The following DCAF10 variants were observed in gnomAD, a reference collection of about 807,000 sequenced individuals.
The protein encoded by DCAF10 is DDB1- and CUL4-associated factor 10.
In DCAF10, 19 loss-of-function variants were observed where a neutral mutation model predicts 51.9. That is an observed-to-expected ratio of 0.37 (90% CI 0.26 to 0.54). DCAF10 has a LOEUF of 0.54. Ranked by LOEUF, DCAF10 falls within the 20% of genes least tolerant of loss-of-function variation. DCAF10 has a pLI of 0.87. For synonymous variants in DCAF10, 291 were observed against 297.1 expected (o/e 0.98, Z 0.21); for missense variants, 510 against 730.6 (o/e 0.70, Z 3.48).
rs910739124 is a variant in DCAF10, at chr9:37,815,411, G to A, written c.540-3877G>A. On this transcript the variant is annotated intron_variant, in intron 1 of 6. Coordinates refer to ENST00000377724, the MANE Select transcript of DCAF10 (RefSeq NM_024345.5). ...TGTAATCCCAGCACTTTGGGAGGCC[G>A]AGGCAGGTGGATCACCTGAGGTCAG... is the stretch of plus-strand genomic sequence containing the variant. Among the ~76,000 whole-genome samples the A allele has an allele frequency of 4.6e-5, 7 of 152,308 alleles. No individual in the cohort carries two copies. In the South Asian group the frequency reaches 1.0e-3, roughly 23 times the overall value.
At chr9:37,826,013 C>T (rs1413036296) in intron 2 of DCAF10, among the ~76,000 whole-genome samples, 5 of 147,340 alleles carry the variant, frequency 3.4e-5, no homozygotes, top group Non-Finnish European at 7.4e-5. Context: ...CCAGCCTGAG[C>T]GACAGAGCGA....
At chr9:37,825,710 C>A (rs1031285770) in intron 2 of DCAF10, among the ~76,000 whole-genome samples, 3 of 152,046 alleles carry the variant, frequency 2.0e-5, no homozygotes, top group African/African-American at 7.2e-5. Context: ...TACACATGTA[C>A]CCCTGAACTT....
intron 2 of DCAF10, among the ~76,000 whole-genome samples, chr9:37,827,226 G>A (rs1339933365): frequency 6.6e-6 from 1 of 152,144 alleles, no homozygotes; most frequent in African/African-American, 2.4e-5. Flanking sequence ...ATGAAAGTTG[G>A]AGGTGGGGAT....
Position 37,842,299 on chromosome 9 carries a change from G to A in DCAF10, c.851+13G>A. ...GGGACACTAACAGGTTTGTGAATAG[G>A]AGACCATGTTAGGATTATGAACAAA... On this transcript the variant is annotated intron_variant, in intron 3 of 6. Coordinates refer to ENST00000377724, the MANE Select transcript of DCAF10 (RefSeq NM_024345.5). 2 of 1,609,326 alleles carry A rather than the reference G, an allele frequency of 1.2e-6. No homozygotes were observed. The highest frequency in any genetic ancestry group is 1.3e-5 in the African/African-American group (1 of 74,862).
At chr9:37,836,766 C>G (rs1830178134) in intron 2 of DCAF10, among the ~76,000 whole-genome samples, 1 of 151,876 alleles carries the variant, frequency 6.6e-6, no homozygotes, top group South Asian at 2.1e-4. Context: ...AGTGTTCACA[C>G]CCTTACTTTT....
chr9:37,848,037 G>T (rs572205175), intron 3 of DCAF10, among the ~76,000 whole-genome samples: 1 of 152,280 alleles, frequency 6.6e-6, no homozygotes, highest in East Asian at 1.9e-4. Context: ...TGGATTCGAA[G>T]ACTCCATATT....
chr9:37,833,290 CTCT>C (rs1226329195), intron 2 of DCAF10, among the ~76,000 whole-genome samples: 1 of 152,200 alleles, frequency 6.6e-6, no homozygotes, highest in East Asian at 1.9e-4. Context: ...TATGCAGATG[CTCT>C]TCAACTTCTG....
chr9:37,821,994 T>C (rs1175554875), intron 2 of DCAF10, among the ~76,000 whole-genome samples: 1 of 152,020 alleles, frequency 6.6e-6, no homozygotes, highest in Non-Finnish European at 1.5e-5. Context: ...ATTCTTCATA[T>C]GACCAACAAA....
At chr9:37,812,895 T>C (rs1359540643) in intron 1 of DCAF10, among the ~76,000 whole-genome samples, 1 of 151,956 alleles carries the variant, frequency 6.6e-6, no homozygotes, top group Non-Finnish European at 1.5e-5. Context: ...ATTAAATTTA[T>C]ATATAATTAT....
intron 2 of DCAF10, among the ~76,000 whole-genome samples, chr9:37,837,328 A>G (rs112986280): frequency 0.19 from 28,966 of 151,626 alleles, 3,154 homozygotes; most frequent in African/African-American, 0.29. Flanking sequence ...ACGTGGTGGC[A>G]CGTGCCTGTA....
chr9:37,819,143 G>A (rs994115320), intron 1 of DCAF10, 145 bp from the exon 2 acceptor site: 2 of 611,246 alleles, frequency 3.3e-6, no homozygotes, highest in African/African-American at 3.7e-5. Flanking sequence ...ACCACAGATA[G>A]TATCAATCTT....
chr9:37,800,649 TA>T, upstream of DCAF10: 1 of 1,535,992 alleles, frequency 6.5e-7, no homozygotes, highest in East Asian at 2.4e-5. Flanking sequence ...CTCACACAGG[TA>T]ACTACTCGCT....
chr9:37,862,229 A>T lies in DCAF10; in HGVS notation c.*721A>T, dbSNP rs1238295295. 1.3e-5 allele frequency: 2 copies of T among 152,658 alleles called. No homozygotes were observed. The highest frequency in any genetic ancestry group is 1.3e-4 in the Admixed American group (2 of 15,286). The allele number at this position is 152,658 out of a possible 1,614,324, so 9.5% of individuals were successfully genotyped here. On this transcript the variant is annotated 3_prime_UTR_variant, in exon 7 of 7. Coordinates refer to ENST00000377724, the MANE Select transcript of DCAF10 (RefSeq NM_024345.5). ...TTTACTTTACTTGTATGAATTTAAC[A>T]TCTCTAGCATGTATCCTTACTTGAT...
In DCAF10 at chr9:37,850,829, TATATATATATA is replaced by T. The variant is rs1830616152; in HGVS notation, c.852-3950_852-3940del. On this transcript the variant is annotated intron_variant, in intron 3 of 6. Transcript: ENST00000377724. The stretch of plus-strand genomic sequence containing the variant: ...GCTAAGTATGTGAGGATATATTTTA[TATATATATATA>T]TATATATATATATATATATATATAT... Among the ~76,000 whole-genome samples the T allele has an allele frequency of 7.1e-3, 485 of 67,896 alleles. 19 individuals carry two copies. Among genetic ancestry groups the T allele is most frequent in the Admixed American group, 0.011 (66 of 6,172 alleles). 44.5% of individuals were successfully genotyped at this position (67,896 alleles called of 152,430 possible).
intron 2 of DCAF10, among the ~76,000 whole-genome samples, chr9:37,820,179 G>C (rs1426593554): frequency 1.3e-5 from 2 of 151,800 alleles, no homozygotes; most frequent in Admixed American, 6.6e-5. Flanking sequence ...TAACATACTG[G>C]GTGTTTTGAT....
At chr9:37,856,498 G>A (rs140277250) in intron 4 of DCAF10, among the ~76,000 whole-genome samples, 1 of 152,244 alleles carries the variant, frequency 6.6e-6, no homozygotes, top group African/African-American at 2.4e-5. Context: ...TAACATTACA[G>A]GAAATTAGAC....
intron 4 of DCAF10, among the ~76,000 whole-genome samples, chr9:37,855,578 T>C (rs1338728310): frequency 6.6e-6 from 1 of 152,254 alleles, no homozygotes; most frequent in Non-Finnish European, 1.5e-5. Flanking sequence ...AAAAAGACTA[T>C]ATTTCATCTA....
At chr9:37,836,369 A>G (rs1157908391) in intron 2 of DCAF10, 2 of 1,610,664 alleles carry the variant, frequency 1.2e-6, no homozygotes, top group Non-Finnish European at 1.7e-6. Context: ...GGGAAACACT[A>G]TCAGAAGAAA....
At chr9:37,841,981 CT>C in intron 2 of DCAF10, 107 bp from the exon 3 acceptor site, 11 of 1,036,806 alleles carry the variant, frequency 1.1e-5, no homozygotes, top group East Asian at 2.6e-5. Context: ...GTGTGTAGTC[CT>C]TTTTTTCTTT....
Sources: gnomAD v4.1 joint callset for allele counts (sites outside exome capture counted in the v4.1 genomes callset) on GRCh38, gnomAD v4.1.1 for gene constraint, MANE v1.5 for transcripts, NCBI Gene and HGNC (gene_info 2026-07-23, HGNC 2026-07-21) for gene names.